RAD54B: variants seen among roughly 807,000 people sequenced by gnomAD.
RAD54B encodes RAD54 homolog B, also known as DNA repair and recombination protein RAD54B.
RAD54B carries 78 observed loss-of-function variants against 95.8 expected under a neutral mutation model. That is an observed-to-expected ratio of 0.81 (90% CI 0.68 to 0.98). The LOEUF (loss-of-function observed/expected upper bound fraction) is 0.98, where lower values mean the gene tolerates loss of function less well. Ranked by LOEUF, RAD54B falls within the 50% of genes least tolerant of loss-of-function variation. RAD54B has a pLI of 0.00. For synonymous variants in RAD54B, 328 were observed against 354.9 expected, an observed-to-expected ratio of 0.92 and a Z score of 0.85; for missense variants, 957 against 1,056.6, an observed-to-expected ratio of 0.91 and a Z score of 1.31.
intron 14 of RAD54B, among the ~76,000 whole-genome samples, chr8:94,377,893 G>A (rs896915430): frequency 1.4e-5 from 2 of 145,746 alleles, no homozygotes; most frequent in African/African-American, 2.5e-5. Context: ...GGAGAATGGC[G>A]TGAACCCGGG....
Sources: gnomAD v4.1 joint callset for allele counts (sites outside exome capture counted in the v4.1 genomes callset) on GRCh38, gnomAD v4.1.1 for gene constraint, MANE v1.5 for transcripts, NCBI Gene and HGNC (gene_info 2026-07-23, HGNC 2026-07-21) for gene names.